The following NSD3 variants were observed in gnomAD, a reference collection of about 807,000 sequenced individuals.
The protein encoded by NSD3 is nuclear receptor binding SET domain protein 3.
NSD3 carries 24 observed loss-of-function variants against 160.8 expected under a neutral mutation model. That is an observed-to-expected ratio of 0.15 (90% CI 0.11 to 0.21). NSD3 has a LOEUF of 0.21. Among genes scored for constraint, NSD3 ranks in the 10% least tolerant of loss-of-function variants. The pLI is 1.00. For synonymous variants in NSD3, 520 were observed against 600.0 expected, an observed-to-expected ratio of 0.87 and a Z score of 1.95; for missense variants, 1,157 against 1,735.9, an observed-to-expected ratio of 0.67 and a Z score of 5.93.
rs766189663 is a variant in NSD3, at chr8:38,304,769, C to A, written c.2441-12G>T. 4 of 1,585,636 alleles carry A rather than the reference C, an allele frequency of 2.5e-6. No individual in the cohort carries two copies. Among genetic ancestry groups the A allele is most frequent in the Admixed American group, 3.8e-5 (2 of 53,276 alleles). The stretch of plus-strand genomic sequence containing the variant: ...TCTCATCATGCGGCCTGTTTAAAGA[C>A]AAGTCAAAAAGGAATCTAATAAGGC... On this transcript the variant is annotated splice_polypyrimidine_tract_variant and intron_variant, in intron 13 of 23. Transcript: ENST00000317025.
chr8:38,281,905 G>C (rs148962929), intron 19 of NSD3, among the ~76,000 whole-genome samples: 39 of 152,294 alleles, frequency 2.6e-4, no homozygotes, highest in African/African-American at 9.4e-4. Flanking sequence ...AATTTTACTA[G>C]TTGGTGGCTA....
chr8:38,375,385 C>T (rs1342157352), intron 1 of NSD3, among the ~76,000 whole-genome samples: 1 of 152,084 alleles, frequency 6.6e-6, no homozygotes, highest in Non-Finnish European at 1.5e-5. Flanking sequence ...AAAATCTTAT[C>T]AAAAAAGTTG....
intron 1 of NSD3, among the ~76,000 whole-genome samples, chr8:38,364,662 A>G (rs1397452858): frequency 6.6e-6 from 1 of 152,220 alleles, no homozygotes; most frequent in Non-Finnish European, 1.5e-5. Flanking sequence ...TCTGACAACC[A>G]AAATCTCTGG....
At position 38,270,209 on chromosome 8, in the gene NSD3, G is replaced by A. The variant is rs1254584873; in HGVS notation, c.*5432C>T. 6.6e-6 allele frequency: 1 copy of A among 152,212 alleles called. No individual in the cohort carries two copies. The allele number at this position is 152,212 out of a possible 1,614,324, so 9.4% of individuals were successfully genotyped here. On this transcript the variant is annotated 3_prime_UTR_variant, in exon 24 of 24. Transcript: ENST00000317025. ...TGACTTTAGTGAATATTGATGCTTT[G>A]TTATTAAAGACTCAAGTCTCAAGTG...
chr8:38,360,363 A>C (rs1810932459), intron 1 of NSD3, among the ~76,000 whole-genome samples: 1 of 152,194 alleles, frequency 6.6e-6, no homozygotes, highest in African/African-American at 2.4e-5. Context: ...TTAATTGTAT[A>C]AGCACTTAAC....
At chr8:38,314,937 T>A (rs932851000) in intron 11 of NSD3, among the ~76,000 whole-genome samples, 164 bp from the exon 12 acceptor site, 11 of 152,238 alleles carry the variant, frequency 7.2e-5, no homozygotes, top group African/African-American at 2.7e-4. Flanking sequence ...ATCCAGAAGA[T>A]GCTGATATTG....
intron 6 of NSD3, among the ~76,000 whole-genome samples, chr8:38,328,843 C>A (rs904672796): frequency 1.3e-5 from 2 of 152,156 alleles, no homozygotes; most frequent in Admixed American, 6.5e-5. Flanking sequence ...TACCCCATTA[C>A]CCAAGTTATT....
chr8:38,366,415 A>ATTTTTTTTTT (rs1399938867), intron 1 of NSD3, among the ~76,000 whole-genome samples: 2 of 118,782 alleles, frequency 1.7e-5, no homozygotes, highest in African/African-American at 6.0e-5. Context: ...CATCTACTTA[A>ATTTTTTTTTT]TTCTTTTTTT....
In NSD3 at chr8:38,317,974, A is replaced by C; in HGVS notation, c.1855+921T>G. 2 of 1,614,224 alleles carry C rather than the reference A, an allele frequency of 1.2e-6. No homozygotes were observed. The highest frequency in any genetic ancestry group is 1.7e-6 in the Non-Finnish European group (2 of 1,180,042). On this transcript the variant is annotated intron_variant, in intron 9 of 23. Transcript: ENST00000317025. The surrounding 1 kb of genome is among the most constrained non-coding windows in gnomAD (Gnocchi z 5.3). ...AGGAATCTCAGTCCACAGTTTCCTC[A>C]ATCGCTGCGGAGACGGAGCTGTCAC...
At chr8:38,373,757 C>A (rs1408408353) in intron 1 of NSD3, among the ~76,000 whole-genome samples, 2 of 151,754 alleles carry the variant, frequency 1.3e-5, no homozygotes, top group African/African-American at 4.8e-5. Context: ...TGTTCAAGGC[C>A]AGCCAGGCAA....
At chr8:38,276,185 T>A in intron 23 of NSD3, 111 bp downstream of exon 23, 1 of 1,258,086 alleles carries the variant, frequency 7.9e-7, no homozygotes, top group Admixed American at 2.5e-5. Flanking sequence ...AATTTTTCGC[T>A]ATTGTTTGTT....
At chr8:38,343,274 CAT>C (rs1353497387) in intron 2 of NSD3, among the ~76,000 whole-genome samples, 1 of 151,744 alleles carries the variant, frequency 6.6e-6, no homozygotes, top group African/African-American at 2.4e-5. Context: ...ATTTCAAAAA[CAT>C]AGAGTAAAAT....
Position 38,314,758 on chromosome 8 carries a change from C to T in NSD3, c.2131G>A (p.Gly711Ser). ...CCCTCACAAGGAATCAGAGAGTCACCAGAGCTTTCACAAATCTGTAATATG... is the reference window on the plus strand; with the variant it reads ...CCCTCACAAGGAATCAGAGAGTCACTAGAGCTTTCACAAATCTGTAATATG... ...DTVCQICESSGDSLIPCEGEC... is the reference protein window; with the variant it reads ...DTVCQICESSSDSLIPCEGEC... Residue 711 changes from glycine (G) to serine (S), a missense_variant, in exon 12 of 24, where the codon GGT (glycine) becomes AGT (serine). Physicochemically the swap from Gly to Ser is moderately conservative, Grantham distance 56. Around this residue, in one of 10 missense-constraint regions of NSD3, gnomAD observed 437 missense variants for 576.6 expected, o/e 0.76. Coordinates refer to ENST00000317025, the MANE Select transcript of NSD3 (RefSeq NM_023034.2). The T allele has an allele frequency of 6.2e-7, 1 of 1,613,936 alleles. No homozygotes were observed. The highest frequency in any genetic ancestry group is 1.1e-5 in the South Asian group (1 of 91,054).
In NSD3 at chr8:38,270,654, A is replaced by G. The variant is rs1808427690; in HGVS notation, c.*4987T>C. On this transcript the variant is annotated 3_prime_UTR_variant, in exon 24 of 24. Coordinates refer to ENST00000317025, the MANE Select transcript of NSD3 (RefSeq NM_023034.2). ...ACAGATACTTGAGGGCTGTTTGCAC[A>G]CATCAAGTGTGTTGGCAGGCAGGGA... 6.6e-6 allele frequency: 1 copy of G among 152,242 alleles called. No individual in the cohort carries two copies. Among genetic ancestry groups the G allele is most frequent in the African/African-American group, 2.4e-5 (1 of 41,468 alleles). The allele number at this position is 152,242 out of a possible 1,614,324, so 9.4% of individuals were successfully genotyped here. A position where few individuals can be genotyped will look rare whatever the true frequency, so the allele number is the denominator to read the frequency against.
chr8:38,346,505 A>G (rs1055298477), intron 2 of NSD3, among the ~76,000 whole-genome samples: 69 of 151,556 alleles, frequency 4.6e-4, no homozygotes, highest in African/African-American at 1.3e-3. Context: ...CTTTTCATTC[A>G]TTGTCATACC....
intron 12 of NSD3, among the ~76,000 whole-genome samples, chr8:38,306,492 A>T (rs577603203): frequency 6.6e-6 from 1 of 152,284 alleles, no homozygotes; most frequent in South Asian, 2.1e-4. Flanking sequence ...ATAATGCCAA[A>T]TATGAAAAAA....
intron 7 of NSD3, among the ~76,000 whole-genome samples, chr8:38,323,864 GA>G (rs1205612842): frequency 6.8e-6 from 1 of 148,050 alleles, no homozygotes; most frequent in Non-Finnish European, 1.5e-5. Context: ...TTTCAGAGGA[GA>G]AAGAAAAACA....
chr8:38,340,261 C>A (rs1294143195), intron 2 of NSD3, among the ~76,000 whole-genome samples: 2 of 152,128 alleles, frequency 1.3e-5, no homozygotes, highest in African/African-American at 2.4e-5. Flanking sequence ...ACTTAAAATT[C>A]TCATTCTATT....
At position 38,275,456 on chromosome 8, in the gene NSD3, C is replaced by A. The variant is rs555751930; in HGVS notation, c.*185G>T. 8 of 591,102 alleles carry A rather than the reference C, an allele frequency of 1.4e-5. No homozygotes were observed. Among genetic ancestry groups the A allele is most frequent in the African/African-American group, 1.3e-4 (7 of 53,800 alleles). 36.6% of individuals were successfully genotyped at this position (591,102 alleles called of 1,614,324 possible). A position where few individuals can be genotyped will look rare whatever the true frequency, so the allele number is the denominator to read the frequency against. On this transcript the variant is annotated 3_prime_UTR_variant, in exon 24 of 24. Transcript: ENST00000317025. ...AACCCTCCACAAAAGAATCCCAAACCAACCAAATCAAACAAAAACCAGACA... is the reference window on the plus strand; with the variant it reads ...AACCCTCCACAAAAGAATCCCAAACAAACCAAATCAAACAAAAACCAGACA...
Sources: gnomAD v4.1 joint callset for allele counts (sites outside exome capture counted in the v4.1 genomes callset) on GRCh38, gnomAD v4.1.1 for gene constraint, gnomAD v4.1.1 regional missense constraint, Gnocchi (gnomAD v3.1) non-coding constraint, MANE v1.5 for transcripts, NCBI Gene and HGNC (gene_info 2026-07-23, HGNC 2026-07-21) for gene names.